Variants in COL11A1 observed in about 807,000 individuals in gnomAD.
COL11A1 encodes collagen type XI alpha 1 chain.
In COL11A1, 74 loss-of-function variants were observed where a neutral mutation model predicts 265.2. That is an observed-to-expected ratio of 0.28 (90% confidence interval 0.23 to 0.34). COL11A1 has a LOEUF of 0.34. COL11A1 is among the 10% of genes least tolerant of loss of function. COL11A1 has a pLI of 1.00. For synonymous variants in COL11A1, 816 were observed against 727.6 expected (o/e 1.12, Z -1.96); for missense variants, 2,165 against 2,263.6 (o/e 0.96, Z 0.88).
chr1:102,910,977 A>C (rs1467443819), intron 54 of COL11A1, among the ~76,000 whole-genome samples: 2 of 152,182 alleles, frequency 1.3e-5, no homozygotes, highest in Non-Finnish European at 2.9e-5. Flanking sequence ...GAAATAGTAT[A>C]ATAGACAGCT....
chr1:102,901,295 G>C (rs987136401), intron 54 of COL11A1, among the ~76,000 whole-genome samples: 1 of 150,014 alleles, frequency 6.7e-6, no homozygotes, highest in Non-Finnish European at 1.5e-5. Context: ...GCTCCAGCCT[G>C]GGAAATAAAA....
chr1:102,912,973 C>A (rs1218802242), intron 53 of COL11A1, among the ~76,000 whole-genome samples: 1 of 152,204 alleles, frequency 6.6e-6, no homozygotes, highest in East Asian at 1.9e-4. Flanking sequence ...ATTACCCATT[C>A]TTGTGTACCT....
At chr1:103,070,719 A>G (rs1398284744) in intron 4 of COL11A1, among the ~76,000 whole-genome samples, 3 of 151,950 alleles carry the variant, frequency 2.0e-5, no homozygotes, top group Non-Finnish European at 4.4e-5. Flanking sequence ...AACTCAATAA[A>G]TTTAGAAAAA....
chr1:102,886,424 A>G (rs1451877250), intron 63 of COL11A1, among the ~76,000 whole-genome samples: 4 of 152,188 alleles, frequency 2.6e-5, no homozygotes, highest in Non-Finnish European at 4.4e-5. Context: ...ATATATTCAT[A>G]TTAATCTAAA....
chr1:102,899,738 A>G (rs1223624994), intron 54 of COL11A1, among the ~76,000 whole-genome samples: 4 of 152,078 alleles, frequency 2.6e-5, no homozygotes, highest in South Asian at 2.1e-4. Context: ...TTCATAATAA[A>G]TTGTGCTCAA....
In COL11A1 at chr1:103,108,086, T is replaced by TA; in HGVS notation, c.92_93insT (p.Arg31SerfsTer10). Reference sequence around the variant, plus strand: ...ATTTTTTCTTACCTCCTCTGACCTCTCTAGCTTGGAAGAGGAAGGTCAATG... The same window carrying TA: ...ATTTTTTCTTACCTCCTCTGACCTCTACTAGCTTGGAAGAGGAAGGTCAATG... On this transcript the variant is annotated frameshift_variant, in exon 1 of 67. Transcript: ENST00000370096. LOFTEE classifies it high-confidence loss of function. 6.2e-7 allele frequency: 1 copy of TA among 1,613,592 alleles called. No homozygotes were observed. Among genetic ancestry groups the TA allele is most frequent in the Non-Finnish European group, 8.5e-7 (1 of 1,179,868 alleles).
At position 103,045,827 on chromosome 1, in the gene COL11A1, T is replaced by C. The variant is rs943812406; in HGVS notation, c.652-14583A>G. 6.0e-5 allele frequency among the ~76,000 whole-genome samples: 9 copies of C among 150,684 alleles called. No homozygotes were observed. In the East Asian group the frequency reaches 1.6e-3, roughly 26 times the overall value. On this transcript the variant is annotated intron_variant, in intron 4 of 66. Coordinates refer to ENST00000370096, the MANE Select transcript of COL11A1 (RefSeq NM_001854.4). Reference sequence around the variant, plus strand: ...CGTTCCCCTTCCTGTGTCCATGTGTTCTTATTATTCAATTCCCACCTGAGT... The same window carrying C: ...CGTTCCCCTTCCTGTGTCCATGTGTCCTTATTATTCAATTCCCACCTGAGT...
intron 4 of COL11A1, among the ~76,000 whole-genome samples, chr1:103,034,672 A>T (rs1263977146): frequency 2.0e-5 from 3 of 151,780 alleles, no homozygotes. Flanking sequence ...TTTGTTGGGG[A>T]AGTCCAATGT....
chr1:102,894,074 T>C (rs891436687), intron 57 of COL11A1, among the ~76,000 whole-genome samples: 1 of 152,048 alleles, frequency 6.6e-6, no homozygotes, highest in African/African-American at 2.4e-5. Context: ...ACAAATAGAG[T>C]CTTAAAAGAA....
At chr1:103,098,868 A>C (rs750821541) in intron 1 of COL11A1, among the ~76,000 whole-genome samples, 7 of 151,832 alleles carry the variant, frequency 4.6e-5, no homozygotes, top group African/African-American at 7.2e-5. Flanking sequence ...TGCTTAGGGT[A>C]GAGGTCATAG....
intron 44 of COL11A1, among the ~76,000 whole-genome samples, chr1:102,935,740 G>A (rs59481645): frequency 0.019 from 2,949 of 152,150 alleles, 99 homozygotes; most frequent in African/African-American, 0.067. Context: ...AAAGGTTCAG[G>A]CATTAAAGAA....
intron 4 of COL11A1, among the ~76,000 whole-genome samples, chr1:103,036,497 T>C (rs1188621361): frequency 1.3e-5 from 2 of 150,842 alleles, no homozygotes; most frequent in Non-Finnish European, 3.0e-5. Flanking sequence ...AGTCCTAACT[T>C]GACTAAATGG....
Position 102,964,587 on chromosome 1 carries a change from GGT to G in COL11A1, c.2916+898_2916+899del, listed in dbSNP as rs10627254. On this transcript the variant is annotated intron_variant, in intron 38 of 66. Transcript: ENST00000370096. Reference sequence around the variant, plus strand: ...GATGCAGTTTTGTTGTTTCTCTAGGGGTGTGTGTGTGTGTGTGTGTGTGTATG... The same window carrying G: ...GATGCAGTTTTGTTGTTTCTCTAGGGGTGTGTGTGTGTGTGTGTGTGTATG... 4.3e-3 allele frequency among the ~76,000 whole-genome samples: 644 copies of G among 149,510 alleles called. 4 individuals are homozygous for G. The highest frequency in any genetic ancestry group is 0.015 in the African/African-American group (612 of 40,770).
intron 4 of COL11A1, among the ~76,000 whole-genome samples, chr1:103,048,520 T>C (rs979999032): frequency 3.9e-5 from 6 of 152,176 alleles, no homozygotes; most frequent in Non-Finnish European, 7.3e-5. Context: ...TAGCAGTCTA[T>C]CTATTTTGTT....
chr1:102,885,621 G>A (rs568489238), intron 63 of COL11A1, among the ~76,000 whole-genome samples: 2 of 151,068 alleles, frequency 1.3e-5, no homozygotes, highest in Admixed American at 6.6e-5. Flanking sequence ...AGAATTCCCA[G>A]GAAAAAAATA....
Position 103,108,109 on chromosome 1 carries a change from A to G in COL11A1, c.70T>C (p.Leu24=), listed in dbSNP as rs757861232. The change falls in exon 1 of 67, where the codon TTG becomes CTG. Residue 24 remains leucine, a synonymous_variant. Coordinates refer to ENST00000370096, the MANE Select transcript of COL11A1 (RefSeq NM_001854.4). ...LWDFTVTTLA[L]TFLFQAREVR... ...TCTCTAGCTTGGAAGAGGAAGGTCA[A>G]TGCGAGGGTTGTTACGGTGAAATCC... The G allele has an allele frequency of 3.2e-5, 51 of 1,613,744 alleles. No homozygotes were observed. Among genetic ancestry groups the G allele is most frequent in the African/African-American group, 4.0e-5 (3 of 74,846 alleles).
Position 102,879,915 on chromosome 1 carries a change from A to C in COL11A1, c.5042T>G (p.Leu1681Arg), listed in dbSNP as rs1650019832. 6.3e-7 allele frequency: 1 copy of C among 1,598,112 alleles called. No individual in the cohort carries two copies. The change falls in exon 66 of 67, where the codon CTT becomes CGT. Residue 1681 changes from leucine (L) to arginine (R), a missense_variant and splice_region_variant. Physicochemically the swap from Leu to Arg is moderately radical, Grantham distance 102. Transcript: ENST00000370096. ...WFSEFKRGKLLSYLDVEGNSI... is the reference protein window; with the variant it reads ...WFSEFKRGKLRSYLDVEGNSI... The stretch of plus-strand genomic sequence containing the variant: ...ATTTCCTTCAACATCTAAGTATGAA[A>C]GCTAGGAATAAAGGAATAAAAAGAC...
chr1:102,880,644 T>A (rs1650119941), intron 65 of COL11A1, among the ~76,000 whole-genome samples: 1 of 151,954 alleles, frequency 6.6e-6, no homozygotes, highest in South Asian at 2.1e-4. Flanking sequence ...TTATTTTTGG[T>A]AATAAAAATA....
chr1:102,945,254 C>A (rs1271926000), intron 42 of COL11A1, among the ~76,000 whole-genome samples: 1 of 94,082 alleles, frequency 1.1e-5, no homozygotes, highest in African/African-American at 3.6e-5. Flanking sequence ...TTTACTCTCT[C>A]TCTCTCTCTC....
Sources: gnomAD v4.1 joint callset for allele counts (sites outside exome capture counted in the v4.1 genomes callset) on GRCh38, gnomAD v4.1.1 for gene constraint, MANE v1.5 for transcripts, NCBI Gene and HGNC (gene_info 2026-07-23, HGNC 2026-07-21) for gene names.